MKLN1: variants seen among roughly 807,000 people sequenced by gnomAD.
The protein encoded by MKLN1 is muskelin.
MKLN1 carries 18 observed loss-of-function variants against 99.0 expected under a neutral mutation model. That is an observed-to-expected ratio of 0.18 (90% CI 0.13 to 0.27). MKLN1 has a LOEUF of 0.27. MKLN1 is among the 10% of genes least tolerant of loss of function. The pLI is 1.00. For missense variants in MKLN1, 621 were observed against 875.9 expected (o/e 0.71, Z 3.67); for synonymous variants, 288 against 293.2 (o/e 0.98, Z 0.18).
At chr7:131,209,667 T>A (rs547869183) in intron 3 of MKLN1, among the ~76,000 whole-genome samples, 27 of 152,322 alleles carry the variant, frequency 1.8e-4, no homozygotes, top group Admixed American at 7.8e-4. Context: ...CTGACTTTGT[T>A]TAGGATGACA....
At position 131,133,819 on chromosome 7, in the gene MKLN1, G is replaced by GTTTTTTTTTTTTTTTTTTTTTTTTTTTTT. The variant is rs1563226557; in HGVS notation, c.-418-9001_-418-9000insTTTTTTTTTTTTTTTTTTTTTTTTTTTTT. Among the ~76,000 whole-genome samples the GTTTTTTTTTTTTTTTTTTTTTTTTTTTTT allele has an allele frequency of 1.0e-4, 7 of 67,240 alleles. 1 individual carries two copies. The highest frequency in any genetic ancestry group is 1.9e-4 in the Non-Finnish European group (6 of 32,210). 44.1% of individuals were successfully genotyped at this position (67,240 alleles called of 152,430 possible). On this transcript the variant is annotated intron_variant, in intron 1 of 7. Transcript: ENST00000416992. ...ACTTCTTTTTTTTTTTTTTTAATTT[G>GTTTTTTTTTTTTTTTTTTTTTTTTTTTTT]GTTTTTTTTTTTTTTTTTTTTTTTT... is the stretch of plus-strand genomic sequence containing the variant.
intron 12 of MKLN1, among the ~76,000 whole-genome samples, chr7:131,446,524 A>T (rs528705935): frequency 1.3e-5 from 2 of 152,348 alleles, no homozygotes; most frequent in South Asian, 4.1e-4. Context: ...ATGGTTTAAA[A>T]TGCTAATTTG....
At chr7:131,352,488 T>A (rs1349718491) in intron 1 of MKLN1, among the ~76,000 whole-genome samples, 3 of 152,198 alleles carry the variant, frequency 2.0e-5, no homozygotes, top group African/African-American at 7.2e-5. Flanking sequence ...CAAATTTGAT[T>A]TGTGAGGTTG....
chr7:131,425,287 G>A (rs1483715613), intron 8 of MKLN1, among the ~76,000 whole-genome samples: 2 of 145,584 alleles, frequency 1.4e-5, no homozygotes, highest in East Asian at 3.9e-4. Context: ...TGTTTGAAAA[G>A]CCCTCTTTTT....
intron 3 of MKLN1, among the ~76,000 whole-genome samples, chr7:131,242,411 C>T (rs1337834798): frequency 6.6e-6 from 1 of 152,112 alleles, no homozygotes; most frequent in East Asian, 1.9e-4. Context: ...TGGGGCATGC[C>T]TGTAGTCCCG....
At chr7:131,348,519 A>G (rs936802811) in intron 1 of MKLN1, among the ~76,000 whole-genome samples, 2 of 151,458 alleles carry the variant, frequency 1.3e-5, no homozygotes, top group Non-Finnish European at 2.9e-5. Context: ...AGAGTTAACT[A>G]TAGTCGTTGG....
At chr7:131,307,398 C>A (rs1358746619) in intron 3 of MKLN1, among the ~76,000 whole-genome samples, 1 of 152,134 alleles carries the variant, frequency 6.6e-6, no homozygotes, top group African/African-American at 2.4e-5. Context: ...GAGAAGAGGA[C>A]AACCATCCTC....
chr7:131,393,764 A>T (rs976918899), intron 4 of MKLN1, among the ~76,000 whole-genome samples: 3 of 151,902 alleles, frequency 2.0e-5, no homozygotes, highest in African/African-American at 7.3e-5. Context: ...AGCCAGGACT[A>T]CAGGCACATA....
intron 2 of MKLN1, among the ~76,000 whole-genome samples, chr7:131,177,625 T>G (rs562301587): frequency 6.6e-6 from 1 of 152,330 alleles, no homozygotes; most frequent in Non-Finnish European, 1.5e-5. Flanking sequence ...TGTTTTTGAC[T>G]TCATGTTCCA....
chr7:131,278,348 T>C (rs1269937868), intron 3 of MKLN1, among the ~76,000 whole-genome samples: 2 of 152,008 alleles, frequency 1.3e-5, no homozygotes, highest in Non-Finnish European at 2.9e-5. Context: ...ACCTTATTTA[T>C]TTTTTATTGT....
At chr7:131,115,001 CATT>C (rs1027278367) in intron 1 of MKLN1, among the ~76,000 whole-genome samples, 2 of 151,350 alleles carry the variant, frequency 1.3e-5, no homozygotes, top group Admixed American at 6.6e-5. Flanking sequence ...GTAAGGAGGT[CATT>C]GTTGTGTTCG....
At chr7:131,187,255 A>G (rs1289181156) in intron 2 of MKLN1, among the ~76,000 whole-genome samples, 1 of 152,154 alleles carries the variant, frequency 6.6e-6, no homozygotes, top group African/African-American at 2.4e-5. Flanking sequence ...CAAATGCTAT[A>G]TACTTTCCTA....
At chr7:131,253,797 T>C (rs563185496) in intron 3 of MKLN1, among the ~76,000 whole-genome samples, 12 of 152,280 alleles carry the variant, frequency 7.9e-5, no homozygotes, top group African/African-American at 2.9e-4. Flanking sequence ...AGAGTTCTTA[T>C]AAACAACGGA....
chr7:131,230,957 C>G lies in MKLN1; in HGVS notation c.-179+27983C>G, dbSNP rs557011755. 3.3e-5 allele frequency among the ~76,000 whole-genome samples: 5 copies of G among 151,708 alleles called. No individual in the cohort carries two copies. The East Asian group carries it at 9.7e-4, about 29-fold the overall frequency. On this transcript the variant is annotated intron_variant, in intron 3 of 7. Transcript: ENST00000416992. ...CCAACATGGTGAAACCCCGTCTCTA[C>G]TAAAAATACAGAAGTTAGCTGGGCG...
Position 131,382,916 on chromosome 7 carries a change from G to C in MKLN1, c.169-4204G>C, listed in dbSNP as rs151045995. 8.0e-3 allele frequency among the ~76,000 whole-genome samples: 1,223 copies of C among 152,008 alleles called. 47 individuals carry two copies. The East Asian group carries it at 0.096, about 12-fold the overall frequency. ...TTTTTTGTATTTTTAGTAGAGACAG[G>C]GTTTCACCGTGTTAGCTAGGATGGT... On this transcript the variant is annotated intron_variant, in intron 2 of 17. Coordinates refer to ENST00000352689, the MANE Select transcript of MKLN1 (RefSeq NM_013255.5).
intron 2 of MKLN1, among the ~76,000 whole-genome samples, chr7:131,169,830 G>A (rs1796190816): frequency 6.6e-6 from 1 of 152,102 alleles, no homozygotes; most frequent in Non-Finnish European, 1.5e-5. Flanking sequence ...TGGGGATGAA[G>A]GAATTAAATA....
intron 3 of MKLN1, among the ~76,000 whole-genome samples, chr7:131,242,426 C>T (rs1797418669): frequency 6.6e-6 from 1 of 152,118 alleles, no homozygotes; most frequent in Admixed American, 6.5e-5. Context: ...GTCCCGGCTA[C>T]TCAGGAGGCT....
intron 8 of MKLN1, among the ~76,000 whole-genome samples, chr7:131,419,043 A>ATC (rs1312391511): frequency 6.6e-6 from 1 of 151,958 alleles, no homozygotes; most frequent in African/African-American, 2.4e-5. Flanking sequence ...GGCATTCCCA[A>ATC]TCTTTTATTT....
intron 3 of MKLN1, among the ~76,000 whole-genome samples, chr7:131,206,534 A>T (rs374583446): frequency 0.44 from 64,772 of 148,102 alleles, 14,645 homozygotes; most frequent in South Asian, 0.61. Context: ...GTATGTGTAT[A>T]ATTATTATTA....
Sources: allele counts gnomAD v4.1 joint callset (sites outside exome capture counted in the v4.1 genomes callset), GRCh38; gene constraint gnomAD v4.1.1; transcripts MANE v1.5; gene names NCBI Gene and HGNC (gene_info 2026-07-23, HGNC 2026-07-21).